Variants in SLC25A36 observed in about 807,000 individuals in gnomAD.
SLC25A36 encodes epididymis secretory sperm binding protein.
In SLC25A36, 24 loss-of-function variants were observed where a neutral mutation model predicts 35.3. The observed-to-expected ratio is 0.68, with a 90% CI of 0.49 to 0.96. The LOEUF (loss-of-function observed/expected upper bound fraction) is 0.96. Ranked by LOEUF, SLC25A36 falls within the 40% of genes least tolerant of loss-of-function variation. The pLI is 0.00. For missense variants in SLC25A36, 294 were observed against 381.1 expected (o/e 0.77, Z 1.90); for synonymous variants, 141 against 132.2 (o/e 1.07, Z -0.46).
chr3:140,973,264 G>C (rs74499556), intron 5 of SLC25A36: 11,377 of 152,270 alleles, frequency 0.075, 536 homozygotes, highest in East Asian at 0.17. Flanking sequence ...ATACTGCCTG[G>C]TTTATGATAT....
chr3:140,946,384 T>C (rs973487927), intron 1 of SLC25A36, among the ~76,000 whole-genome samples: 3 of 152,212 alleles, frequency 2.0e-5, no homozygotes, highest in Non-Finnish European at 4.4e-5. Context: ...GATAGAGCCT[T>C]CTTAAGCCTT....
At chr3:140,974,662 T>G (rs1460665145) in intron 6 of SLC25A36, among the ~76,000 whole-genome samples, 1 of 152,214 alleles carries the variant, frequency 6.6e-6, no homozygotes, top group Admixed American at 6.5e-5. Context: ...TGAGGTTTTT[T>G]GGTAGCTTTT....
Position 140,980,092 on chromosome 3 carries a change from G to C in SLC25A36, c.*3639G>C, listed in dbSNP as rs1048975925. Among the ~76,000 whole-genome samples, 15 of 152,090 alleles carry C rather than the reference G, an allele frequency of 9.9e-5. No homozygotes were observed. The highest frequency in any genetic ancestry group is 3.4e-4 in the African/African-American group (14 of 41,422). On this transcript the variant is annotated 3_prime_UTR_variant, in exon 7 of 7. Transcript: ENST00000324194. ...CAGCAAACCTTATCTTGAGCACTTT[G>C]TATCTGTTAGATCTAGTGATGTCTG...
intron 1 of SLC25A36, 25 bp downstream of exon 1, chr3:140,942,120 A>C (rs112848230): frequency 3.7e-6 from 4 of 1,080,322 alleles, no homozygotes; most frequent in Non-Finnish European, 4.9e-6. Context: ...GGGCGTGCGC[A>C]CTGGGGCTGA....
chr3:140,966,783 CCTTT>C (rs1412090162), intron 4 of SLC25A36: 51 of 379,002 alleles, frequency 1.3e-4, no homozygotes, highest in South Asian at 7.8e-4. Flanking sequence ...TTTTGATATT[CCTTT>C]CTTTTTTTTA....
At chr3:140,975,094 A>ATTTTTTTTTT (rs1272903563) in intron 6 of SLC25A36, among the ~76,000 whole-genome samples, 11 of 24,226 alleles carry the variant, frequency 4.5e-4, no homozygotes, top group Non-Finnish European at 1.3e-3. Flanking sequence ...AACAAGATAC[A>ATTTTTTTTTT]TTCTTTTTTT....
At chr3:140,964,835 C>A (rs987566804) in intron 4 of SLC25A36, 2 of 151,808 alleles carry the variant, frequency 1.3e-5, no homozygotes, top group Non-Finnish European at 3.0e-5. Context: ...ACTGGAACAT[C>A]TTATTTCATT....
chr3:140,968,216 T>G lies in SLC25A36; in HGVS notation c.386-2711T>G. On this transcript the variant is annotated intron_variant, in intron 4 of 6. Coordinates refer to ENST00000324194, the MANE Select transcript of SLC25A36 (RefSeq NM_001104647.3). ...TGTCTATTTAGTTTGTTAAAGTGTCTTTGGTTAGGAGAAAGTAATAGCATA... is the reference window on the plus strand; with the variant it reads ...TGTCTATTTAGTTTGTTAAAGTGTCGTTGGTTAGGAGAAAGTAATAGCATA... The G allele has an allele frequency of 3.1e-6, 3 of 953,484 alleles. No homozygotes were observed. The South Asian group carries it at 1.5e-4, about 46-fold the overall frequency. 59.1% of individuals were successfully genotyped at this position (953,484 alleles called of 1,614,324 possible).
In SLC25A36 at chr3:140,947,639, C is replaced by G. The variant is rs145991883; in HGVS notation, c.41+5544C>G. 1.7e-3 allele frequency among the ~76,000 whole-genome samples: 252 copies of G among 152,202 alleles called. 3 individuals carry two copies. In the East Asian group the frequency reaches 0.019, roughly 12 times the overall value. On this transcript the variant is annotated intron_variant, in intron 1 of 6. Coordinates refer to ENST00000324194, the MANE Select transcript of SLC25A36 (RefSeq NM_001104647.3). ...GTTTATCTAAGTTGGCTAAAATTTTCTGTATTACTAGTCTTGATTTTGCTT... is the reference window on the plus strand; with the variant it reads ...GTTTATCTAAGTTGGCTAAAATTTTGTGTATTACTAGTCTTGATTTTGCTT...
intron 6 of SLC25A36, among the ~76,000 whole-genome samples, chr3:140,975,749 T>C (rs1023966251): frequency 2.0e-5 from 3 of 152,220 alleles, no homozygotes; most frequent in Non-Finnish European, 4.4e-5. Context: ...CTGGGTTTTA[T>C]AGCTGGCAGC....
rs1934744293 is a variant in SLC25A36, at chr3:140,965,837, T to G, written c.385+2610T>G. The G allele has an allele frequency of 1.3e-5, 2 of 151,794 alleles. 1 individual carries two copies. The highest frequency in any genetic ancestry group is 4.1e-4 in the South Asian group (2 of 4,830). 9.4% of individuals were successfully genotyped at this position (151,794 alleles called of 1,614,324 possible). ...TATCTCAGCTATTGAGGGTATCTGT[T>G]TTGTTGCCTGTATATTTTGTTTAAA... On this transcript the variant is annotated intron_variant, in intron 4 of 6. Transcript: ENST00000324194.
At chr3:140,959,663 A>G in intron 3 of SLC25A36, 123 bp downstream of exon 3, 2 of 447,948 alleles carry the variant, frequency 4.5e-6, no homozygotes, top group Non-Finnish European at 7.9e-6. Context: ...GTTTATGGGA[A>G]GTTAAAATAC....
chr3:140,943,365 A>C (rs540247634), intron 1 of SLC25A36, among the ~76,000 whole-genome samples: 2 of 152,328 alleles, frequency 1.3e-5, no homozygotes, highest in Non-Finnish European at 2.9e-5. Flanking sequence ...TTCATCAACA[A>C]ATATTTGTTG....
At chr3:140,957,547 G>A (rs955010819) in intron 2 of SLC25A36, among the ~76,000 whole-genome samples, 2 of 152,158 alleles carry the variant, frequency 1.3e-5, no homozygotes, top group Non-Finnish European at 2.9e-5. Flanking sequence ...TTCGAGACCA[G>A]CCTGGCCAAC....
At chr3:140,967,364 C>G (rs991718733) in intron 4 of SLC25A36, among the ~76,000 whole-genome samples, 4 of 151,820 alleles carry the variant, frequency 2.6e-5, no homozygotes, top group Non-Finnish European at 4.4e-5. Context: ...CTTTGCTTAG[C>G]ATAACATATT....
intron 3 of SLC25A36, 45 bp from the exon 4 acceptor site, chr3:140,963,081 AC>A: frequency 8.6e-7 from 1 of 1,168,962 alleles, no homozygotes; most frequent in Non-Finnish European, 1.2e-6. Flanking sequence ...TGTAAATCTT[AC>A]GCATTAAGAA....
chr3:140,950,634 T>C (rs1934294080), intron 1 of SLC25A36, among the ~76,000 whole-genome samples: 1 of 152,230 alleles, frequency 6.6e-6, no homozygotes, highest in Non-Finnish European at 1.5e-5. Context: ...ATGTATAGTT[T>C]GGTTTGGTAT....
intron 3 of SLC25A36, among the ~76,000 whole-genome samples, chr3:140,962,164 A>C (rs1314516363): frequency 6.6e-6 from 1 of 152,066 alleles, no homozygotes; most frequent in Non-Finnish European, 1.5e-5. Flanking sequence ...ACTTGGCATC[A>C]AGTGTATCTT....
chr3:140,971,029 G>T (rs1380040273), intron 5 of SLC25A36, 36 bp downstream of exon 5: 1 of 853,056 alleles, frequency 1.2e-6, no homozygotes, highest in Non-Finnish European at 2.0e-6. Context: ...TGGTTAAAGT[G>T]GATTTAACTA....
Sources: allele counts gnomAD v4.1 joint callset (sites outside exome capture counted in the v4.1 genomes callset), GRCh38; gene constraint gnomAD v4.1.1; transcripts MANE v1.5; gene names NCBI Gene and HGNC (gene_info 2026-07-23, HGNC 2026-07-21).